Variants in ADAMTSL1 observed in about 807,000 individuals in gnomAD.
ADAMTSL1 encodes the protein ADAMTS like 1, also known as ADAMTS-like protein 1.
In ADAMTSL1, 126 loss-of-function variants were observed where a neutral mutation model predicts 201.8. That is an observed-to-expected ratio of 0.62 (90% CI 0.54 to 0.72). The LOEUF (loss-of-function observed/expected upper bound fraction) is 0.72. Ranked by LOEUF, ADAMTSL1 falls within the 30% of genes least tolerant of loss-of-function variation. The probability of loss-of-function intolerance (pLI) is 0.00; values close to 1 mark genes in which losing one functional copy is unlikely to be tolerated. For missense variants in ADAMTSL1, 2,679 were observed against 2,277.8 expected (o/e 1.18, Z -3.59); for synonymous variants, 1,121 against 903.4 (o/e 1.24, Z -4.32).
Position 18,896,141 on chromosome 9 carries a change from A to G in ADAMTSL1, c.4851+3545A>G, listed in dbSNP as rs139012238. ...ACATTTTGAGAGTCTCAGAAGAAGA[A>G]AGGAGTTGAAAGATTATTTGCAGAA... is the stretch of plus-strand genomic sequence containing the variant. On this transcript the variant is annotated intron_variant, in intron 26 of 28. Coordinates refer to ENST00000380548, the MANE Select transcript of ADAMTSL1 (RefSeq NM_001040272.6). Among the ~76,000 whole-genome samples the G allele has an allele frequency of 2.0e-3, 297 of 152,242 alleles. 4 individuals are homozygous for G. Among genetic ancestry groups the G allele is most frequent in the East Asian group, 1.2e-3 (6 of 5,188 alleles).
chr9:18,762,827 G>A (rs982066522), intron 16 of ADAMTSL1, among the ~76,000 whole-genome samples: 2 of 152,152 alleles, frequency 1.3e-5, no homozygotes, highest in African/African-American at 4.8e-5. Context: ...GCACATGACT[G>A]GATCTCATTC....
chr9:18,626,790 C>T (rs1462049967), intron 5 of ADAMTSL1, among the ~76,000 whole-genome samples: 2 of 148,850 alleles, frequency 1.3e-5, no homozygotes, highest in Admixed American at 6.8e-5. Flanking sequence ...CATAGATATA[C>T]TGCACCTGTA....
At chr9:18,569,652 C>T (rs1252543390) in intron 3 of ADAMTSL1, among the ~76,000 whole-genome samples, 3 of 152,114 alleles carry the variant, frequency 2.0e-5, no homozygotes, top group Non-Finnish European at 4.4e-5. Context: ...ATATTTTTTG[C>T]CAGGTTCTTG....
chr9:18,830,526 C>T (rs1009480633), intron 23 of ADAMTSL1, among the ~76,000 whole-genome samples: 1 of 152,168 alleles, frequency 6.6e-6, no homozygotes. Context: ...TAAGTACAAC[C>T]TCCCTGTCAT....
At chr9:18,736,106 C>A (rs897554452) in intron 15 of ADAMTSL1, among the ~76,000 whole-genome samples, 2 of 152,020 alleles carry the variant, frequency 1.3e-5, no homozygotes, top group African/African-American at 4.8e-5. Flanking sequence ...TGTAAAGCCA[C>A]CAAAACTAGA....
intron 1 of ADAMTSL1, among the ~76,000 whole-genome samples, chr9:17,982,551 G>T (rs934292412): frequency 1.3e-5 from 2 of 152,158 alleles, no homozygotes; most frequent in South Asian, 2.1e-4. Flanking sequence ...GGTGGAAGTT[G>T]CAGTAAGCCG....
In ADAMTSL1 at chr9:18,775,681, A is replaced by G. The variant is rs889983481; in HGVS notation, c.2398-62A>G. ...CATATTTTGATGAGTTTGACAGTCT[A>G]TTAAAAAATTAGCTTCTAGTTCCCA... is the stretch of plus-strand genomic sequence containing the variant. On this transcript the variant is annotated intron_variant, in intron 17 of 28. Coordinates refer to ENST00000380548, the MANE Select transcript of ADAMTSL1 (RefSeq NM_001040272.6). The G allele has an allele frequency of 1.5e-5, 24 of 1,565,628 alleles. No homozygotes were observed. In the African/African-American group the frequency reaches 2.4e-4, roughly 16 times the overall value.
chr9:18,079,715 AAATAAATAAAT>A (rs1823398770), intron 1 of ADAMTSL1, among the ~76,000 whole-genome samples: 6 of 149,682 alleles, frequency 4.0e-5, no homozygotes, highest in African/African-American at 1.5e-4. Context: ...ATAAATAAAT[AAATAAATAAAT>A]AAAATAAAAA....
rs530366686 is a variant in ADAMTSL1, at chr9:18,135,177, G to A, written c.88-28685G>A. ...CTGGCCTGCATGTATAACTCCATAT[G>A]TGGAATCTGCTCTAGTTAAGTAAAA... On this transcript the variant is annotated intron_variant, in intron 1 of 29. Transcript: ENST00000680146. 5.3e-5 allele frequency among the ~76,000 whole-genome samples: 8 copies of A among 152,240 alleles called. No homozygotes were observed. The South Asian group carries it at 1.2e-3, about 24-fold the overall frequency.
At chr9:18,828,308 CCAA>C (rs1392716063) in intron 22 of ADAMTSL1, among the ~76,000 whole-genome samples, 2 of 152,026 alleles carry the variant, frequency 1.3e-5, no homozygotes. Flanking sequence ...TTAGGAGGGG[CCAA>C]CAATTGGCCC....
At chr9:18,509,729 T>C (rs902546528) in intron 2 of ADAMTSL1, among the ~76,000 whole-genome samples, 6 of 152,240 alleles carry the variant, frequency 3.9e-5, no homozygotes, top group African/African-American at 1.2e-4. Context: ...AGTATCTCAT[T>C]GGCCAAACTA....
At chr9:18,869,344 C>T (rs1438428374) in intron 23 of ADAMTSL1, among the ~76,000 whole-genome samples, 1 of 152,216 alleles carries the variant, frequency 6.6e-6, no homozygotes, top group Non-Finnish European at 1.5e-5. Context: ...ACTAATACAC[C>T]CTTCCATGCT....
At chr9:18,058,192 T>C (rs1822281729) in intron 1 of ADAMTSL1, among the ~76,000 whole-genome samples, 1 of 152,216 alleles carries the variant, frequency 6.6e-6, no homozygotes, top group Non-Finnish European at 1.5e-5. Flanking sequence ...TCTAGAACAT[T>C]CTTTTGGTTT....
At chr9:18,350,450 A>G (rs370269424) in intron 2 of ADAMTSL1, among the ~76,000 whole-genome samples, 1 of 152,258 alleles carries the variant, frequency 6.6e-6, no homozygotes, top group East Asian at 1.9e-4. Context: ...CTGTACCCCA[A>G]GTTTGAGATA....
chr9:18,823,346 C>G lies in ADAMTSL1; in HGVS notation c.3935-2938C>G, dbSNP rs181020018. On this transcript the variant is annotated intron_variant, in intron 21 of 28. Coordinates refer to ENST00000380548, the MANE Select transcript of ADAMTSL1 (RefSeq NM_001040272.6). ...AACGTTTCCATTTCTCCCATGAAGT[C>G]CCCTGCTGTCACCAGAGGAATTCAG... Among the ~76,000 whole-genome samples the G allele has an allele frequency of 1.6e-4, 24 of 152,314 alleles. No homozygotes were observed. In the East Asian group the frequency reaches 2.7e-3, roughly 17 times the overall value.
chr9:18,456,137 A>G (rs1820593330), intron 2 of ADAMTSL1, among the ~76,000 whole-genome samples: 1 of 152,170 alleles, frequency 6.6e-6, no homozygotes, highest in Non-Finnish European at 1.5e-5. Context: ...ACCTTTTCTC[A>G]GAGACCCCAT....
At chr9:18,201,241 G>C (rs1829432337) in intron 2 of ADAMTSL1, among the ~76,000 whole-genome samples, 1 of 152,082 alleles carries the variant, frequency 6.6e-6, no homozygotes, top group South Asian at 2.1e-4. Flanking sequence ...CTTTGTTAAG[G>C]AAATGTTTGC....
chr9:18,648,739 G>T (rs1827990899), intron 7 of ADAMTSL1, among the ~76,000 whole-genome samples: 1 of 151,990 alleles, frequency 6.6e-6, no homozygotes, highest in South Asian at 2.1e-4. Context: ...GGCTTGTAGA[G>T]TTTCTGCCGA....
chr9:18,720,820 G>A (rs1321987459), intron 14 of ADAMTSL1, among the ~76,000 whole-genome samples: 1 of 152,102 alleles, frequency 6.6e-6, no homozygotes, highest in East Asian at 1.9e-4. Context: ...CTCCCCAAGG[G>A]CCCTGCAAAC....
Sources: gnomAD v4.1 joint callset for allele counts (sites outside exome capture counted in the v4.1 genomes callset) on GRCh38, gnomAD v4.1.1 for gene constraint, MANE v1.5 for transcripts, NCBI Gene and HGNC (gene_info 2026-07-23, HGNC 2026-07-21) for gene names.